EFCAB6: variants seen among roughly 807,000 people sequenced by gnomAD.
The protein encoded by EFCAB6 is EF-hand calcium binding domain 6.
Under a neutral mutation model 169.8 loss-of-function variants are expected in EFCAB6, and 156 were observed. That is an observed-to-expected ratio of 0.92 (90% CI 0.81 to 1.05). EFCAB6 has a LOEUF of 1.05. EFCAB6 is among the 50% of genes least tolerant of loss of function. EFCAB6 has a pLI of 0.00. For synonymous variants in EFCAB6, 698 were observed against 676.4 expected, an observed-to-expected ratio of 1.03 and a Z score of -0.50; for missense variants, 1,800 against 1,829.1, an observed-to-expected ratio of 0.98 and a Z score of 0.29.
At chr22:43,556,533 C>G (rs1397693685) in intron 26 of EFCAB6, among the ~76,000 whole-genome samples, 1 of 152,152 alleles carries the variant, frequency 6.6e-6, no homozygotes, top group Non-Finnish European at 1.5e-5. Flanking sequence ...CAGTGCCATG[C>G]AAAGGGTTTC....
chr22:43,618,480 A>G (rs2147755652), intron 20 of EFCAB6, among the ~76,000 whole-genome samples: 1 of 152,266 alleles, frequency 6.6e-6, no homozygotes, highest in South Asian at 2.1e-4. Context: ...CCAAAATCCT[A>G]CACAGAATAC....
intron 8 of EFCAB6, among the ~76,000 whole-genome samples, chr22:43,727,483 G>C (rs991101991): frequency 1.2e-4 from 18 of 152,170 alleles, no homozygotes; most frequent in African/African-American, 4.3e-4. Flanking sequence ...TAAAATAACA[G>C]TGTTTGAGAA....
intron 18 of EFCAB6, among the ~76,000 whole-genome samples, chr22:43,633,916 G>A (rs1378979257): frequency 1.3e-5 from 2 of 152,182 alleles, no homozygotes; most frequent in Admixed American, 6.5e-5. Context: ...CTGACCCCTA[G>A]CAGGGGCCAC....
rs1353143752 is a variant in EFCAB6, at chr22:43,744,106, G to A, written c.508-8113C>T. On this transcript the variant is annotated intron_variant, in intron 6 of 31. Transcript: ENST00000262726. The surrounding 1 kb of genome is among the most constrained non-coding windows in gnomAD (Gnocchi z 4.3). ...ATGAATGATGAATGAATGAATGAAT[G>A]AATGAATGGATGGGTTATGGATGGA... is the stretch of plus-strand genomic sequence containing the variant. Among the ~76,000 whole-genome samples, 1 of 151,960 alleles carries A rather than the reference G, an allele frequency of 6.6e-6. No individual in the cohort carries two copies. Among genetic ancestry groups the A allele is most frequent in the African/African-American group, 2.4e-5 (1 of 41,302 alleles).
chr22:43,584,357 T>TCC (rs1356463653), intron 24 of EFCAB6, among the ~76,000 whole-genome samples: 3 of 152,186 alleles, frequency 2.0e-5, no homozygotes, highest in Non-Finnish European at 4.4e-5. Context: ...ACTCACATGG[T>TCC]AATCTTGGCA....
intron 23 of EFCAB6, among the ~76,000 whole-genome samples, chr22:43,591,884 T>C (rs2051582148): frequency 6.6e-6 from 1 of 152,230 alleles, no homozygotes; most frequent in African/African-American, 2.4e-5. Flanking sequence ...ACTTGATCTA[T>C]GGTGGACTGG....
At chr22:43,698,526 CA>C (rs1236944315) in intron 10 of EFCAB6, among the ~76,000 whole-genome samples, 2 of 152,140 alleles carry the variant, frequency 1.3e-5, no homozygotes, top group Non-Finnish European at 2.9e-5. Flanking sequence ...GTCTCAGACC[CA>C]CAAAATTCAA....
chr22:43,598,322 A>AAAAC (rs2052202419), intron 23 of EFCAB6, among the ~76,000 whole-genome samples: 3 of 130,322 alleles, frequency 2.3e-5, no homozygotes, highest in Non-Finnish European at 3.3e-5. Context: ...AAAAAAAAAA[A>AAAAC]AAAAAAAAAA....
At chr22:43,599,070 A>T (rs2052280428) in intron 23 of EFCAB6, among the ~76,000 whole-genome samples, 1 of 152,186 alleles carries the variant, frequency 6.6e-6, no homozygotes, top group Non-Finnish European at 1.5e-5. Context: ...TGTTCCACTC[A>T]TGGTACACAT....
At chr22:43,757,038 C>T (rs1196862027) in intron 5 of EFCAB6, among the ~76,000 whole-genome samples, 1 of 151,980 alleles carries the variant, frequency 6.6e-6, no homozygotes, top group East Asian at 1.9e-4. Flanking sequence ...GATAAGGAGT[C>T]GACTTCAAAG....
chr22:43,777,626 C>T (rs1222737868), intron 3 of EFCAB6, among the ~76,000 whole-genome samples: 1 of 152,202 alleles, frequency 6.6e-6, no homozygotes, highest in Admixed American at 6.5e-5. Flanking sequence ...TGAACATCCT[C>T]CTCCTGCCCC....
intron 6 of EFCAB6, 32 bp from the exon 7 acceptor site, chr22:43,736,025 A>G (rs1030164142): frequency 3.2e-6 from 5 of 1,587,232 alleles, no homozygotes; most frequent in South Asian, 2.3e-5. Context: ...GGAAAAGTCA[A>G]AAGATCTAGT....
intron 30 of EFCAB6, among the ~76,000 whole-genome samples, chr22:43,534,258 T>C (rs1485360447): frequency 1.3e-5 from 2 of 152,304 alleles, no homozygotes; most frequent in East Asian, 3.9e-4. Context: ...TATTTGGCAG[T>C]TCCCACTTCA....
intron 27 of EFCAB6, among the ~76,000 whole-genome samples, chr22:43,547,719 C>A (rs1284349563): frequency 6.7e-6 from 1 of 149,808 alleles, no homozygotes; most frequent in Non-Finnish European, 1.5e-5. Context: ...GAGCCGTGAT[C>A]ATGCCACTGC....
intron 3 of EFCAB6, among the ~76,000 whole-genome samples, chr22:43,776,900 G>A (rs2061658045): frequency 6.6e-6 from 1 of 152,176 alleles, no homozygotes; most frequent in Non-Finnish European, 1.5e-5. Flanking sequence ...TTAAAAATGT[G>A]TTCTGGCTGC....
At chr22:43,691,043 T>C (rs2147183254) in intron 10 of EFCAB6, among the ~76,000 whole-genome samples, 1 of 152,218 alleles carries the variant, frequency 6.6e-6, no homozygotes. Context: ...AGCTAATACT[T>C]GATAAATGCC....
chr22:43,583,168 C>T lies in EFCAB6; in HGVS notation c.3033-2509G>A, dbSNP rs944754065. ...GTGGAATAGCCCCTCCCTAATTGCT[C>T]CTCAGGGACTCTGACCACAGGAAAG... On this transcript the variant is annotated intron_variant, in intron 24 of 31. Coordinates refer to ENST00000262726, the MANE Select transcript of EFCAB6 (RefSeq NM_022785.4). Among the ~76,000 whole-genome samples the T allele has an allele frequency of 2.0e-5, 3 of 152,040 alleles. No homozygotes were observed. The South Asian group carries it at 6.2e-4, about 32-fold the overall frequency.
chr22:43,746,409 G>C (rs2060565760), intron 6 of EFCAB6, among the ~76,000 whole-genome samples: 1 of 152,166 alleles, frequency 6.6e-6, no homozygotes, highest in South Asian at 2.1e-4. Flanking sequence ...CTCTGGTTCG[G>C]GGTCTCCTTG....
At chr22:43,612,649 T>C (rs1455385133) in intron 21 of EFCAB6, among the ~76,000 whole-genome samples, 3 of 152,130 alleles carry the variant, frequency 2.0e-5, no homozygotes, top group African/African-American at 7.2e-5. Flanking sequence ...TCCAGCACTT[T>C]GGGAGGCCAA....
Sources: allele counts gnomAD v4.1 joint callset (sites outside exome capture counted in the v4.1 genomes callset), GRCh38; gene constraint gnomAD v4.1.1; non-coding constraint Gnocchi (gnomAD v3.1); transcripts MANE v1.5; gene names NCBI Gene and HGNC (gene_info 2026-07-23, HGNC 2026-07-21).